Variants in KY observed in about 807,000 individuals in gnomAD.
KY encodes the protein kyphoscoliosis peptidase.
Under a neutral mutation model 76.1 loss-of-function variants are expected in KY, and 43 were observed. The observed-to-expected ratio is 0.57, with a 90% CI of 0.44 to 0.73. KY has a LOEUF of 0.73. Among genes scored for constraint, KY ranks in the 30% least tolerant of loss-of-function variants. The pLI, the probability that KY is intolerant of heterozygous loss-of-function variation, is 0.00. For synonymous variants in KY, 277 were observed against 326.2 expected (o/e 0.85, Z 1.63); for missense variants, 722 against 828.9 (o/e 0.87, Z 1.58).
intron 10 of KY, chr3:134,607,900 A>T: frequency 2.0e-6 from 2 of 992,064 alleles, no homozygotes; most frequent in Non-Finnish European, 2.4e-6. Flanking sequence ...CTTGGCCCTC[A>T]TCCAGGGGTG....
At chr3:134,643,088 T>C (rs1965965501) in intron 3 of KY, among the ~76,000 whole-genome samples, 1 of 152,186 alleles carries the variant, frequency 6.6e-6, no homozygotes, top group Non-Finnish European at 1.5e-5. Flanking sequence ...CTGAGGCCCA[T>C]GGGCTTTATT....
At chr3:134,614,467 C>T (rs1164300873) in intron 8 of KY, among the ~76,000 whole-genome samples, 1 of 151,906 alleles carries the variant, frequency 6.6e-6, no homozygotes, top group Non-Finnish European at 1.5e-5. Flanking sequence ...AAGCTGCAGC[C>T]CCCACTCTCC....
intron 3 of KY, among the ~76,000 whole-genome samples, chr3:134,639,070 G>GTTT (rs35303789): frequency 0.012 from 1,499 of 128,518 alleles, 28 homozygotes; most frequent in African/African-American, 0.033. Context: ...CTACTTTGGA[G>GTTT]TTTTTTTTTT....
Position 134,621,125 on chromosome 3 carries a change from A to C in KY, c.484-268T>G, listed in dbSNP as rs116873221. On this transcript the variant is annotated intron_variant, in intron 6 of 10. Coordinates refer to ENST00000423778, the MANE Select transcript of KY (RefSeq NM_178554.6). ...GGGGGCTAGCCAGGCAGGCATCTGG[A>C]CAGCTGTAGCAGCCCCTGGTCGTGG... 0.026 allele frequency among the ~76,000 whole-genome samples: 3,909 copies of C among 152,334 alleles called. 69 individuals are homozygous for C. The highest frequency in any genetic ancestry group is 0.053 in the South Asian group (257 of 4,826).
intron 3 of KY, among the ~76,000 whole-genome samples, chr3:134,632,532 A>G (rs982962283): frequency 6.6e-6 from 1 of 152,058 alleles, no homozygotes; most frequent in African/African-American, 2.4e-5. Flanking sequence ...AGTCTCAAGG[A>G]AAATTAGAAA....
At chr3:134,618,421 C>A (rs1377879964) in intron 8 of KY, among the ~76,000 whole-genome samples, 1 of 152,150 alleles carries the variant, frequency 6.6e-6, no homozygotes, top group East Asian at 1.9e-4. Context: ...TCATCCACCC[C>A]CTGGGGAGGG....
chr3:134,649,662 G>A (rs1427510200), intron 1 of KY, among the ~76,000 whole-genome samples: 2 of 152,240 alleles, frequency 1.3e-5, no homozygotes, highest in African/African-American at 4.8e-5. Context: ...TAGAGCGCCT[G>A]TCAACATACT....
chr3:134,648,410 G>A (rs1270199783), intron 1 of KY, among the ~76,000 whole-genome samples: 1 of 152,198 alleles, frequency 6.6e-6, no homozygotes, highest in Non-Finnish European at 1.5e-5. Context: ...CACCTATGGA[G>A]TAGAATACAC....
At chr3:134,623,506 C>CT in intron 6 of KY, among the ~76,000 whole-genome samples, 1 of 152,036 alleles carries the variant, frequency 6.6e-6, no homozygotes, top group East Asian at 1.9e-4. Flanking sequence ...CTCGTATGTC[C>CT]TCACCTCCTC....
intron 8 of KY, among the ~76,000 whole-genome samples, chr3:134,614,570 G>C (rs1961162143): frequency 6.6e-6 from 1 of 152,026 alleles, no homozygotes; most frequent in African/African-American, 2.4e-5. Context: ...GGAAGAGACT[G>C]AACAGAGGGG....
chr3:134,626,818 G>C (rs973798675), intron 5 of KY, among the ~76,000 whole-genome samples: 36 of 152,210 alleles, frequency 2.4e-4, no homozygotes, highest in Non-Finnish European at 2.9e-5. Flanking sequence ...TGTGCTGTGT[G>C]GTCCAAATGC....
chr3:134,605,404 G>A (rs1959175465), intron 10 of KY, among the ~76,000 whole-genome samples: 1 of 152,142 alleles, frequency 6.6e-6, no homozygotes, highest in East Asian at 1.9e-4. Context: ...CATGTCCCTA[G>A]GAACTTTCCC....
rs377766297 is a variant in KY, at chr3:134,615,019, A to G, written c.710+4129T>C. On this transcript the variant is annotated intron_variant, in intron 8 of 10. Transcript: ENST00000423778. ...AATACTGTGGTTTCTATACTGCAGC[A>G]GGACAAACAAACCATGACTTATCTT... 3.5e-4 allele frequency among the ~76,000 whole-genome samples: 53 copies of G among 152,366 alleles called. No individual in the cohort carries two copies. The East Asian group carries it at 6.7e-3, about 19-fold the overall frequency.
chr3:134,608,581 G>A (rs1415415595), intron 10 of KY, 68 bp downstream of exon 10: 2 of 1,612,828 alleles, frequency 1.2e-6, no homozygotes, highest in Non-Finnish European at 1.7e-6. Flanking sequence ...TCTCAGGCGG[G>A]CTCCTGGAGG....
At position 134,599,978 on chromosome 3, in the gene KY, G is replaced by A. The variant is rs560317589; in HGVS notation, c.*3601C>T. Among the ~76,000 whole-genome samples, 234 of 152,240 alleles carry A rather than the reference G, an allele frequency of 1.5e-3. No homozygotes were observed. Among genetic ancestry groups the A allele is most frequent in the Non-Finnish European group, 2.5e-3 (171 of 68,012 alleles). On this transcript the variant is annotated 3_prime_UTR_variant, in exon 11 of 11. Transcript: ENST00000423778. Reference sequence around the variant, plus strand: ...AAAACAACACCAGCAACAACATGGAGAAAGCATACTCAACAGCCACCGGCC... The same window carrying A: ...AAAACAACACCAGCAACAACATGGAAAAAGCATACTCAACAGCCACCGGCC...
chr3:134,619,139 C>T lies in KY; in HGVS notation c.710+9G>A, dbSNP rs1962125075. On this transcript the variant is annotated intron_variant, in intron 8 of 10. Transcript: ENST00000423778. ...CGGTGGTCAGCATGGGGACTCCTGT[C>T]TCTCGTACCTGCACATTCTCTCGAA... 1.9e-6 allele frequency: 3 copies of T among 1,610,466 alleles called. No homozygotes were observed. The highest frequency in any genetic ancestry group is 2.5e-6 in the Non-Finnish European group (3 of 1,176,966).
At chr3:134,638,031 C>G (rs1965221730) in intron 3 of KY, among the ~76,000 whole-genome samples, 1 of 152,298 alleles carries the variant, frequency 6.6e-6, no homozygotes, top group African/African-American at 2.4e-5. Context: ...CGGTTCTCCC[C>G]CAAAGCTGTG....
At position 134,604,125 on chromosome 3, in the gene KY, G is replaced by A; in HGVS notation, c.1440C>T (p.Cys480=). Residue 480 remains cysteine, a synonymous_variant, in exon 11 of 11, where the codon TGC becomes TGT. Coordinates refer to ENST00000423778, the MANE Select transcript of KY (RefSeq NM_178554.6). ...CCTCCTCCACGCTGAAGCTGATGGA[G>A]CAGCGCCCGTCGCTGGTGTGGATGA... ...DPIIHTSDGR[C]SISFSVEEGI... 1 of 1,609,572 alleles carries A rather than the reference G, an allele frequency of 6.2e-7. No individual in the cohort carries two copies. Among genetic ancestry groups the A allele is most frequent in the Non-Finnish European group, 8.5e-7 (1 of 1,177,696 alleles).
chr3:134,608,241 A>G (rs183602057), intron 10 of KY: 341 of 1,191,696 alleles, frequency 2.9e-4, no homozygotes, highest in Non-Finnish European at 3.3e-4. Flanking sequence ...CCCAGAGGCT[A>G]TGTGTAGCCA....
Sources: allele counts gnomAD v4.1 joint callset (sites outside exome capture counted in the v4.1 genomes callset), GRCh38; gene constraint gnomAD v4.1.1; transcripts MANE v1.5; gene names NCBI Gene and HGNC (gene_info 2026-07-23, HGNC 2026-07-21).